Variants in BAZ2B observed in about 807,000 individuals in gnomAD.
BAZ2B encodes the protein bromodomain adjacent to zinc finger domain 2B.
In BAZ2B, 91 loss-of-function variants were observed where a neutral mutation model predicts 246.0. That is an observed-to-expected ratio of 0.37 (90% CI 0.31 to 0.44). The LOEUF is 0.44. Ranked by LOEUF, BAZ2B falls within the 20% of genes least tolerant of loss-of-function variation. The probability of loss-of-function intolerance (pLI) is 1.00; values close to 1 mark genes in which losing one functional copy is unlikely to be tolerated. For synonymous variants in BAZ2B, 855 were observed against 860.0 expected, an observed-to-expected ratio of 0.99 and a Z score of 0.10; for missense variants, 2,332 against 2,533.7, an observed-to-expected ratio of 0.92 and a Z score of 1.71.
chr2:159,520,647 G>GC (rs1300733697), intron 2 of BAZ2B, among the ~76,000 whole-genome samples: 1 of 152,072 alleles, frequency 6.6e-6, no homozygotes, highest in Non-Finnish European at 1.5e-5. Flanking sequence ...TATTATGATT[G>GC]CATCAATTGA....
At chr2:159,618,460 C>T (rs189851366), upstream of BAZ2B, among the ~76,000 whole-genome samples, 153 of 152,106 alleles carry the variant, frequency 1.0e-3, no homozygotes, top group African/African-American at 3.5e-3. Flanking sequence ...GTCAACAGTT[C>T]TATAATCTCA....
chr2:159,652,623 T>C, the BAZ2B span, among the ~76,000 whole-genome samples: 2 of 152,170 alleles, frequency 1.3e-5, no homozygotes, highest in East Asian at 1.9e-4. Context: ...GAAATATTTT[T>C]TTTTGAGACA....
intron 27 of BAZ2B, among the ~76,000 whole-genome samples, chr2:159,369,310 G>A (rs1400356976): frequency 1.3e-5 from 2 of 152,188 alleles, no homozygotes; most frequent in Non-Finnish European, 2.9e-5. Flanking sequence ...GACTGGACTA[G>A]TTGAATTCTC....
At chr2:159,573,831 G>A (rs574762790) in intron 1 of BAZ2B, among the ~76,000 whole-genome samples, 2 of 152,250 alleles carry the variant, frequency 1.3e-5, no homozygotes, top group Admixed American at 1.3e-4. Flanking sequence ...AGGCACAGGT[G>A]GCTCACATCC....
chr2:159,374,731 C>G lies in BAZ2B; in HGVS notation c.4028G>C (p.Ser1343Thr), dbSNP rs1377944089. The G allele has an allele frequency of 1.1e-5, 17 of 1,613,024 alleles. No homozygotes were observed. Among genetic ancestry groups the G allele is most frequent in the African/African-American group, 4.0e-5 (3 of 74,914 alleles). The change falls in exon 26 of 37, where the codon AGT becomes ACT. Residue 1343 changes from serine (S) to threonine (T), a missense_variant. This residue lies in a region of BAZ2B where 676 missense variants were observed against 668.6 expected (regional missense o/e 1.01). Coordinates refer to ENST00000392783, the MANE Select transcript of BAZ2B (RefSeq NM_013450.4). The part of the protein sequence containing the change: ...EDEDEGDQAA[S>T]VEELEKQIEK... ...AATCTGTTTTTCCAGCTCTTCAACA[C>G]TTGCTGCTTGGTCACCTTCATCCTA...
At chr2:159,563,043 T>C (rs964466784) in intron 1 of BAZ2B, among the ~76,000 whole-genome samples, 9 of 152,158 alleles carry the variant, frequency 5.9e-5, no homozygotes, top group Admixed American at 3.3e-4. Flanking sequence ...AAAATAATCA[T>C]GCAATCTAAT....
the BAZ2B span, among the ~76,000 whole-genome samples, chr2:159,688,077 G>A: frequency 6.6e-6 from 1 of 152,068 alleles, no homozygotes; most frequent in Non-Finnish European, 1.5e-5. Flanking sequence ...GTCTTGATCT[G>A]TCACCCAGGC....
chr2:159,642,238 C>CTTTTT, the BAZ2B span, among the ~76,000 whole-genome samples: 94 of 131,678 alleles, frequency 7.1e-4, no homozygotes, highest in Non-Finnish European at 1.1e-3. Flanking sequence ...TTCTTTCTTT[C>CTTTTT]TTTTTTTTTT....
the BAZ2B span, among the ~76,000 whole-genome samples, chr2:159,656,089 T>C: frequency 2.6e-5 from 4 of 152,168 alleles, no homozygotes; most frequent in Admixed American, 2.6e-4. Context: ...AAGTTTTGTT[T>C]ATTTATTTTT....
chr2:159,336,446 C>T (rs2065679233), intron 33 of BAZ2B, among the ~76,000 whole-genome samples: 1 of 152,196 alleles, frequency 6.6e-6, no homozygotes, highest in Admixed American at 6.5e-5. Flanking sequence ...AAAGGATCTA[C>T]TGTTCATGTC....
Position 159,435,653 on chromosome 2 carries a change from C to CT in BAZ2B, c.1294-2291dup, listed in dbSNP as rs555271987. 291 of 152,296 alleles carry CT rather than the reference C, an allele frequency of 1.9e-3. 3 individuals are homozygous for CT. Among genetic ancestry groups the CT allele is most frequent in the African/African-American group, 6.6e-3 (274 of 41,506 alleles). 9.4% of individuals were successfully genotyped at this position (152,296 alleles called of 1,614,324 possible). A position where few individuals can be genotyped will look rare whatever the true frequency, so the allele number is the denominator to read the frequency against. On this transcript the variant is annotated intron_variant, in intron 8 of 36. Coordinates refer to ENST00000392783, the MANE Select transcript of BAZ2B (RefSeq NM_013450.4). ...ACAGGCGTGAGCCACCACGCCCAGCCTTTTTTTGTATTTTTAGTAGAGAAG... is the reference window on the plus strand; with the variant it reads ...ACAGGCGTGAGCCACCACGCCCAGCCTTTTTTTTGTATTTTTAGTAGAGAAG...
At position 159,409,688 on chromosome 2, in the gene BAZ2B, T is replaced by C. The variant is rs185295578; in HGVS notation, c.2677+2647A>G. On this transcript the variant is annotated intron_variant, in intron 14 of 36. Transcript: ENST00000392783. ...TGTTACCAAAGAAGGCTTTTAGAAA[T>C]GAAAAAGGTGATAAACTGTTTCATT... Among the ~76,000 whole-genome samples the C allele has an allele frequency of 1.3e-4, 20 of 152,228 alleles. No individual in the cohort carries two copies. The East Asian group carries it at 3.9e-3, about 29-fold the overall frequency.
intron 2 of BAZ2B, among the ~76,000 whole-genome samples, chr2:159,506,894 C>A (rs1159340175): frequency 6.6e-6 from 1 of 152,112 alleles, no homozygotes; most frequent in Non-Finnish European, 1.5e-5. Context: ...GCAAGAGAAT[C>A]TAACAAGCAA....
chr2:159,336,597 T>C (rs2065709153), intron 33 of BAZ2B, among the ~76,000 whole-genome samples: 1 of 152,208 alleles, frequency 6.6e-6, no homozygotes, highest in Non-Finnish European at 1.5e-5. Flanking sequence ...CGCAGTAATA[T>C]AGCAGGTAAT....
intron 2 of BAZ2B, among the ~76,000 whole-genome samples, chr2:159,485,324 C>T (rs963170061): frequency 1.3e-5 from 2 of 152,018 alleles, no homozygotes; most frequent in Non-Finnish European, 2.9e-5. Context: ...CCTTATCAGA[C>T]AGCAGACAAA....
intron 13 of BAZ2B, among the ~76,000 whole-genome samples, chr2:159,415,013 G>A (rs1411895056): frequency 6.6e-6 from 1 of 152,142 alleles, no homozygotes; most frequent in African/African-American, 2.4e-5. Flanking sequence ...GAGGGTATAT[G>A]TAAAACAGTA....
At chr2:159,362,760 AAAGAG>A (rs1424529935) in intron 27 of BAZ2B, among the ~76,000 whole-genome samples, 1 of 152,186 alleles carries the variant, frequency 6.6e-6, no homozygotes, top group Non-Finnish European at 1.5e-5. Flanking sequence ...CTCAAGTGGT[AAAGAG>A]GGTTTCCAGT....
intron 1 of BAZ2B, among the ~76,000 whole-genome samples, chr2:159,595,223 C>T (rs1690406634): frequency 6.6e-6 from 1 of 152,120 alleles, no homozygotes; most frequent in Non-Finnish European, 1.5e-5. Context: ...CTGCCTCATC[C>T]TCCTGAGTAG....
chr2:159,436,726 G>A (rs911590979), intron 8 of BAZ2B, among the ~76,000 whole-genome samples: 2 of 152,068 alleles, frequency 1.3e-5, no homozygotes, highest in African/African-American at 4.8e-5. Flanking sequence ...ACTCCAGCCT[G>A]GGCAACAGAG....
Sources: gnomAD v4.1 joint callset for allele counts (sites outside exome capture counted in the v4.1 genomes callset) on GRCh38, gnomAD v4.1.1 for gene constraint, gnomAD v4.1.1 regional missense constraint, MANE v1.5 for transcripts, NCBI Gene and HGNC (gene_info 2026-07-23, HGNC 2026-07-21) for gene names.